Variants in DNAL1 observed in about 807,000 individuals in gnomAD.
DNAL1 encodes dynein axonemal light chain 1, also known as chromosome 14 open reading frame 168.
In DNAL1, 17 loss-of-function variants were observed where a neutral mutation model predicts 29.4. The ratio of observed to expected loss-of-function variants is 0.58; its 90% CI spans 0.40 to 0.87. DNAL1 has a LOEUF of 0.87. Among genes scored for constraint, DNAL1 ranks in the 40% least tolerant of loss-of-function variants. The pLI is 0.00. For synonymous variants in DNAL1, 78 were observed against 76.3 expected (o/e 1.02, Z -0.12); for missense variants, 188 against 214.1 (o/e 0.88, Z 0.76).
In DNAL1 at chr14:73,687,399, G is replaced by A. The variant is rs373789435; in HGVS notation, c.391+14G>A. ...TAAAAGACTGGGGTAAGCTGAGAGT[G>A]GCCCTTTGCTAACCTTCTACCGCCT... is the stretch of plus-strand genomic sequence containing the variant. On this transcript the variant is annotated intron_variant, in intron 6 of 7. Transcript: ENST00000553645. 2.6e-6 allele frequency: 4 copies of A among 1,568,260 alleles called. No homozygotes were observed. Among genetic ancestry groups the A allele is most frequent in the Non-Finnish European group, 3.5e-6 (4 of 1,158,440 alleles).
At position 73,688,627 on chromosome 14, in the gene DNAL1, CA is replaced by C. The variant is rs200095266; in HGVS notation, c.392-740del. Reference sequence around the variant, plus strand: ...GACAGAAGGAGACTCTTTCTCAAAACAAAAAAAAGCAAAACTGTGTGATAAG... The same window carrying C: ...GACAGAAGGAGACTCTTTCTCAAAACAAAAAAAGCAAAACTGTGTGATAAG... On this transcript the variant is annotated intron_variant, in intron 6 of 7. Coordinates refer to ENST00000553645, the MANE Select transcript of DNAL1 (RefSeq NM_031427.4). 3.0e-3 allele frequency among the ~76,000 whole-genome samples: 453 copies of C among 151,200 alleles called. 2 individuals are homozygous for C. Among genetic ancestry groups the C allele is most frequent in the African/African-American group, 9.8e-3 (406 of 41,228 alleles).
intron 4 of DNAL1, among the ~76,000 whole-genome samples, chr14:73,670,776 G>A (rs909745236): frequency 9.4e-5 from 14 of 148,832 alleles, no homozygotes; most frequent in Admixed American, 4.7e-4. Context: ...TCGCTCTGTC[G>A]CCCAGGCTGG....
At position 73,696,097 on chromosome 14, in the gene DNAL1, A is replaced by T. The variant is rs1355771393; in HGVS notation, c.*155A>T. ...CTCATCTTTTTTTTTCCTTTAACTT[A>T]TTCAGTGTTTCTCCCCAAAACTGGT... On this transcript the variant is annotated 3_prime_UTR_variant, in exon 8 of 8. Transcript: ENST00000553645. 1 of 709,694 alleles carries T rather than the reference A, an allele frequency of 1.4e-6. No individual in the cohort carries two copies. Among genetic ancestry groups the T allele is most frequent in the East Asian group, 3.1e-5 (1 of 32,230 alleles). The allele number at this position is 709,694 out of a possible 1,614,324, so 44.0% of individuals were successfully genotyped here. A position where few individuals can be genotyped will look rare whatever the true frequency, so the allele number is the denominator to read the frequency against.
At chr14:73,694,477 C>T (rs1434817378) in intron 7 of DNAL1, among the ~76,000 whole-genome samples, 1 of 151,772 alleles carries the variant, frequency 6.6e-6, no homozygotes, top group African/African-American at 2.4e-5. Flanking sequence ...GCTTCAAATG[C>T]TAAAGCTCAG....
chr14:73,687,134 C>T (rs917265439), intron 5 of DNAL1, 125 bp from the exon 6 acceptor site: 16 of 1,173,356 alleles, frequency 1.4e-5, no homozygotes, highest in Non-Finnish European at 1.9e-5. Context: ...CAACTACTAG[C>T]TCTTCTACAA....
At position 73,700,588 on chromosome 14, in the gene DNAL1, A is replaced by G. The variant is rs1892411848; in HGVS notation, c.*4646A>G. 1 of 152,218 alleles carries G rather than the reference A, an allele frequency of 6.6e-6. No individual in the cohort carries two copies. The highest frequency in any genetic ancestry group is 2.4e-5 in the African/African-American group (1 of 41,456). 9.4% of individuals were successfully genotyped at this position (152,218 alleles called of 1,614,324 possible). A position where few individuals can be genotyped will look rare whatever the true frequency, so the allele number is the denominator to read the frequency against. ...ACAGGGCCCAGAAAGGTTGGAGTTAATCATTCACTTAAAAGCATTAGGAGG... is the reference window on the plus strand; with the variant it reads ...ACAGGGCCCAGAAAGGTTGGAGTTAGTCATTCACTTAAAAGCATTAGGAGG... On this transcript the variant is annotated 3_prime_UTR_variant, in exon 8 of 8. Coordinates refer to ENST00000553645, the MANE Select transcript of DNAL1 (RefSeq NM_031427.4).
At chr14:73,687,832 C>T (rs1268033193) in intron 6 of DNAL1, among the ~76,000 whole-genome samples, 1 of 152,080 alleles carries the variant, frequency 6.6e-6, no homozygotes, top group Non-Finnish European at 1.5e-5. Context: ...GAGATCGCGC[C>T]GCTGCACTCC....
intron 7 of DNAL1, among the ~76,000 whole-genome samples, chr14:73,694,539 C>T (rs1892255443): frequency 1.9e-5 from 1 of 51,530 alleles, no homozygotes; most frequent in African/African-American, 1.8e-4. Context: ...GTTTCCTCTA[C>T]AGTGATTTTT....
intron 4 of DNAL1, among the ~76,000 whole-genome samples, chr14:73,671,031 C>T (rs950031650): frequency 4.6e-5 from 7 of 152,114 alleles, no homozygotes; most frequent in Admixed American, 6.6e-5. Context: ...CCACCACGCC[C>T]GGCCAGGCAT....
At chr14:73,665,416 C>T (rs1281049960) in intron 4 of DNAL1, among the ~76,000 whole-genome samples, 4 of 152,148 alleles carry the variant, frequency 2.6e-5, no homozygotes, top group Non-Finnish European at 5.9e-5. Flanking sequence ...ATAACTTGCT[C>T]TGTAACTTGC....
At chr14:73,668,323 TC>T (rs754941281) in intron 4 of DNAL1, among the ~76,000 whole-genome samples, 172 of 152,224 alleles carry the variant, frequency 1.1e-3, no homozygotes, top group Non-Finnish European at 1.4e-3. Context: ...TTATTGCTGT[TC>T]CTGGTGTATA....
Position 73,696,241 on chromosome 14 carries a change from A to T in DNAL1, c.*299A>T, listed in dbSNP as rs1892299197. The T allele has an allele frequency of 4.6e-6, 1 of 217,328 alleles. No homozygotes were observed. 13.5% of individuals were successfully genotyped at this position (217,328 alleles called of 1,614,324 possible). Reference sequence around the variant, plus strand: ...TACTAAAACAAAACCTTTGTAGACCAGTCATTTTTAATAACAAAGGAACAA... The same window carrying T: ...TACTAAAACAAAACCTTTGTAGACCTGTCATTTTTAATAACAAAGGAACAA... On this transcript the variant is annotated 3_prime_UTR_variant, in exon 8 of 8. Coordinates refer to ENST00000553645, the MANE Select transcript of DNAL1 (RefSeq NM_031427.4).
At chr14:73,671,747 A>G (rs1026052439) in intron 5 of DNAL1, 150 bp downstream of exon 5, 1 of 962,350 alleles carries the variant, frequency 1.0e-6, no homozygotes, top group Non-Finnish European at 1.4e-6. Flanking sequence ...TTACCCTTCA[A>G]TAGGTTTGCA....
chr14:73,695,432 A>C (rs888987455), intron 7 of DNAL1, among the ~76,000 whole-genome samples: 6 of 152,098 alleles, frequency 3.9e-5, no homozygotes, highest in Non-Finnish European at 8.8e-5. Flanking sequence ...CCATTTGAGA[A>C]TTCCCCTGAG....
At chr14:73,673,293 G>A (rs1170191436) in intron 5 of DNAL1, among the ~76,000 whole-genome samples, 1 of 152,114 alleles carries the variant, frequency 6.6e-6, no homozygotes, top group African/African-American at 2.4e-5. Flanking sequence ...AACTTTTAGT[G>A]TCAATATACT....
intron 4 of DNAL1, among the ~76,000 whole-genome samples, chr14:73,664,859 T>TA (rs112233204): frequency 8.8e-5 from 13 of 147,228 alleles, no homozygotes; most frequent in Non-Finnish European, 1.5e-4. Context: ...AGACCTTGTC[T>TA]AAAAAAAAAA....
chr14:73,681,890 A>T (rs1174086950), intron 5 of DNAL1, among the ~76,000 whole-genome samples: 1 of 151,738 alleles, frequency 6.6e-6, no homozygotes, highest in African/African-American at 2.4e-5. Flanking sequence ...ACGCAGGTGG[A>T]TCACCTCAGG....
At chr14:73,646,533 G>A (rs893442342) in intron 1 of DNAL1, among the ~76,000 whole-genome samples, 2 of 134,450 alleles carry the variant, frequency 1.5e-5, no homozygotes, top group Non-Finnish European at 3.5e-5. Context: ...AGGCCGAGGC[G>A]GGCAGATCAC....
In DNAL1 at chr14:73,671,603, T is replaced by C; in HGVS notation, c.264+6T>C. ...TAAAGAACTTAAATGGACTGGTAGG[T>C]TGTTATTTATTATTATTTTATTTAT... On this transcript the variant is annotated splice_donor_region_variant and intron_variant, in intron 5 of 7. Transcript: ENST00000553645. 1.4e-6 allele frequency: 2 copies of C among 1,448,916 alleles called. No individual in the cohort carries two copies. The highest frequency in any genetic ancestry group is 2.6e-5 in the East Asian group (1 of 38,378). 89.8% of individuals were successfully genotyped at this position (1,448,916 alleles called of 1,614,324 possible).
Sources: allele counts gnomAD v4.1 joint callset (sites outside exome capture counted in the v4.1 genomes callset), GRCh38; gene constraint gnomAD v4.1.1; transcripts MANE v1.5; gene names NCBI Gene and HGNC (gene_info 2026-07-23, HGNC 2026-07-21).